Variants in NEK5 observed in about 807,000 individuals in gnomAD.
NEK5 encodes the protein NIMA related kinase 5.
In NEK5, 88 loss-of-function variants were observed where a neutral mutation model predicts 109.2. That is an observed-to-expected ratio of 0.81 (90% confidence interval 0.68 to 0.96). The LOEUF is 0.96. Among genes scored for constraint, NEK5 ranks in the 40% least tolerant of loss-of-function variants. The pLI is 0.00. For missense variants in NEK5, 834 were observed against 920.7 expected (o/e 0.91, Z 1.22); for synonymous variants, 283 against 299.9 (o/e 0.94, Z 0.58).
chr13:52,065,579 C>T lies in NEK5; in HGVS notation c.1880G>A (p.Gly627Glu), dbSNP rs1954676029. The change falls in exon 21 of 24, where the codon GGA (glycine) becomes GAA (glutamate). Residue 627 changes from glycine (G) to glutamate (E), a missense_variant. Gly to Glu is a moderately conservative substitution (Grantham distance 98). Transcript: ENST00000684899. The part of the protein sequence containing the change: ...GFSTQTVAAV[G>E]NRRQWDGGAP... ...TCCTCCATCCCACTGCCTCCTGTTT[C>T]CCACAGCAGCTACAGTCTGCGTGGA... 1 of 1,613,846 alleles carries T rather than the reference C, an allele frequency of 6.2e-7. No individual in the cohort carries two copies.
intron 13 of NEK5, among the ~76,000 whole-genome samples, chr13:52,090,276 C>CCCT (rs1955251455): frequency 6.6e-6 from 1 of 152,154 alleles, no homozygotes; most frequent in South Asian, 2.1e-4. Context: ...ATAAAAACCG[C>CCCT]ATTTCAGACC....
At chr13:52,055,135 A>G (rs1405846381) in intron 22 of NEK5, among the ~76,000 whole-genome samples, 1 of 152,192 alleles carries the variant, frequency 6.6e-6, no homozygotes, top group Non-Finnish European at 1.5e-5. Context: ...CCAAGGCTCG[A>G]GAACTACGTG....
At chr13:52,087,928 CT>C (rs758944022) in intron 14 of NEK5, among the ~76,000 whole-genome samples, 478 of 110,210 alleles carry the variant, frequency 4.3e-3, no homozygotes, top group Admixed American at 4.7e-3. Flanking sequence ...CCCAGCCTTT[CT>C]TTTTTTTTTT....
chr13:52,128,527 T>C (rs1419329176), intron 1 of NEK5, among the ~76,000 whole-genome samples: 1 of 152,182 alleles, frequency 6.6e-6, no homozygotes, highest in Non-Finnish European at 1.5e-5. Flanking sequence ...TTGTTGTTAA[T>C]GGGGTGAGCA....
At chr13:52,064,088 G>A (rs1185381299) in intron 21 of NEK5, among the ~76,000 whole-genome samples, 2 of 146,674 alleles carry the variant, frequency 1.4e-5, no homozygotes, top group Admixed American at 6.7e-5. Context: ...CACCCCATCC[G>A]GGAGGTGAGG....
rs193189926 is a variant in NEK5, at chr13:52,047,917, G to C, written c.2228+2187C>G. ...TCCAAAATTTAGAACTAATAAGAGA[G>C]TTTAGTAAAGTTACAGGATACATCA... is the stretch of plus-strand genomic sequence containing the variant. On this transcript the variant is annotated intron_variant, in intron 23 of 23. Transcript: ENST00000684899. Among the ~76,000 whole-genome samples, 3 of 152,228 alleles carry C rather than the reference G, an allele frequency of 2.0e-5. No homozygotes were observed. The East Asian group carries it at 5.8e-4, about 29-fold the overall frequency.
chr13:52,058,758 A>G (rs1489372512), intron 22 of NEK5, among the ~76,000 whole-genome samples: 7 of 152,236 alleles, frequency 4.6e-5, no homozygotes, highest in Admixed American at 4.6e-4. Flanking sequence ...ACATGTAGAA[A>G]GCTGAAACTG....
intron 23 of NEK5, among the ~76,000 whole-genome samples, chr13:52,049,099 A>G (rs1437815045): frequency 6.6e-6 from 1 of 152,182 alleles, no homozygotes; most frequent in East Asian, 1.9e-4. Context: ...CCGTAAGTAT[A>G]TATTAATACA....
chr13:52,108,285 CTGA>C (rs1955691787), intron 8 of NEK5, 30 bp downstream of exon 8: 1 of 1,256,480 alleles, frequency 8.0e-7, no homozygotes, highest in African/African-American at 1.5e-5. Flanking sequence ...TCAGATTTTA[CTGA>C]CACTTTCAAA....
intron 23 of NEK5, among the ~76,000 whole-genome samples, chr13:52,046,481 T>TAAAA (rs201537093): frequency 7.4e-6 from 1 of 135,326 alleles, no homozygotes; most frequent in African/African-American, 2.8e-5. Flanking sequence ...CCTGTATGTT[T>TAAAA]AAAAAAAAAA....
chr13:52,054,534 G>A lies in NEK5; in HGVS notation c.2111-4313C>T, dbSNP rs537594483. Among the ~76,000 whole-genome samples, 7 of 152,316 alleles carry A rather than the reference G, an allele frequency of 4.6e-5. No individual in the cohort carries two copies. The East Asian group carries it at 1.4e-3, about 29-fold the overall frequency. On this transcript the variant is annotated intron_variant, in intron 22 of 23. Transcript: ENST00000684899. The stretch of plus-strand genomic sequence containing the variant: ...CAAAAAGACAGCAGTAACCTCTGCA[G>A]ACTTAAAAGTCCCTGTCTGACAGCT...
At chr13:52,037,834 A>C (rs1284729433) in intron 23 of NEK5, among the ~76,000 whole-genome samples, 1 of 152,144 alleles carries the variant, frequency 6.6e-6, no homozygotes, top group East Asian at 1.9e-4. Context: ...GAGGCAGGAG[A>C]ATGGCATGAA....
rs752409091 is a variant in NEK5 at position 52,087,353 on chromosome 13, G to A, written c.1377C>T (p.Asn459=). The part of the protein sequence containing the change: ...PRFQELPFRK[N]EMKEQEYWKQ... ...AGTTTTTAACCTGTTCCTTCATTTCGTTTTTCCTAAATGGCAGCTCCTGGA... is the reference window on the plus strand; with the variant it reads ...AGTTTTTAACCTGTTCCTTCATTTCATTTTTCCTAAATGGCAGCTCCTGGA... Residue 459 remains asparagine, a synonymous_variant, in exon 15 of 24, where the codon AAC becomes AAT. Coordinates refer to ENST00000684899, the MANE Select transcript of NEK5 (RefSeq NM_001365552.1). 7.6e-6 allele frequency: 12 copies of A among 1,569,862 alleles called. No individual in the cohort carries two copies. The highest frequency in any genetic ancestry group is 3.3e-5 in the Admixed American group (2 of 59,800).
At chr13:52,076,271 T>A in intron 17 of NEK5, 128 bp from the exon 18 acceptor site, 1 of 557,942 alleles carries the variant, frequency 1.8e-6, no homozygotes, top group Non-Finnish European at 3.1e-6. Context: ...AATAATTAAC[T>A]AAAAACTTGG....
chr13:52,100,253 G>C (rs1222895998), intron 11 of NEK5, among the ~76,000 whole-genome samples: 1 of 151,990 alleles, frequency 6.6e-6, no homozygotes, highest in African/African-American at 2.4e-5. Flanking sequence ...TGGAATTTAT[G>C]AGTAGATCTT....
At chr13:52,112,856 C>G (rs1005455750) in intron 4 of NEK5, among the ~76,000 whole-genome samples, 2 of 152,202 alleles carry the variant, frequency 1.3e-5, no homozygotes, top group African/African-American at 4.8e-5. Context: ...AAACCACTCA[C>G]TAGATTACAG....
At chr13:52,038,750 A>G (rs901486781) in intron 23 of NEK5, among the ~76,000 whole-genome samples, 2 of 145,224 alleles carry the variant, frequency 1.4e-5, no homozygotes, top group Non-Finnish European at 3.0e-5. Flanking sequence ...GCTTGAGCCC[A>G]GGAGTTTACA....
chr13:52,111,689 T>A (rs1955762564), intron 5 of NEK5, among the ~76,000 whole-genome samples: 1 of 152,168 alleles, frequency 6.6e-6, no homozygotes, highest in Admixed American at 6.5e-5. Context: ...CATACAAACC[T>A]GTCTCCTTCA....
At chr13:52,122,662 G>A (rs1160216820) in intron 3 of NEK5, among the ~76,000 whole-genome samples, 3 of 152,118 alleles carry the variant, frequency 2.0e-5, no homozygotes, top group Non-Finnish European at 4.4e-5. Context: ...AGCTACTCAG[G>A]AGGCTGAGGC....
Sources: gnomAD v4.1 joint callset for allele counts (sites outside exome capture counted in the v4.1 genomes callset) on GRCh38, gnomAD v4.1.1 for gene constraint, MANE v1.5 for transcripts, NCBI Gene and HGNC (gene_info 2026-07-23, HGNC 2026-07-21) for gene names.